The following MYO5B variants were observed in gnomAD, a reference collection of about 807,000 sequenced individuals.
MYO5B encodes unconventional myosin-Vb.
In MYO5B, 143 loss-of-function variants were observed where a neutral mutation model predicts 229.3. The observed-to-expected ratio is 0.62, with a 90% CI of 0.54 to 0.72. The LOEUF is 0.72. Among genes scored for constraint, MYO5B ranks in the 30% least tolerant of loss-of-function variants. MYO5B has a pLI of 0.00. For synonymous variants in MYO5B, 918 were observed against 885.2 expected, an observed-to-expected ratio of 1.04 and a Z score of -0.66; for missense variants, 2,321 against 2,331.0, an observed-to-expected ratio of 1.00 and a Z score of 0.09.
intron 31 of MYO5B, 41 bp from the exon 32 acceptor site, chr18:49,849,701 G>T (rs770071787): frequency 6.7e-7 from 1 of 1,498,916 alleles, no homozygotes. Context: ...ACATCAGCCC[G>T]GCCTGGGATG....
chr18:50,006,890 T>C (rs943369428), intron 4 of MYO5B, among the ~76,000 whole-genome samples: 24 of 152,180 alleles, frequency 1.6e-4, no homozygotes, highest in African/African-American at 5.1e-4. Context: ...CTGAGGAGCA[T>C]AATTTGTCAC....
chr18:50,115,229 C>T (rs1033120396), intron 1 of MYO5B, among the ~76,000 whole-genome samples: 2 of 152,230 alleles, frequency 1.3e-5, no homozygotes, highest in African/African-American at 4.8e-5. Flanking sequence ...TACTCTCCAA[C>T]AGCATCCCAT....
intron 1 of MYO5B, among the ~76,000 whole-genome samples, chr18:50,193,537 T>C (rs2033256627): frequency 6.6e-6 from 1 of 152,260 alleles, no homozygotes; most frequent in South Asian, 2.1e-4. Context: ...CAGCCGCGTG[T>C]GATCGCCAGG....
intron 18 of MYO5B, among the ~76,000 whole-genome samples, chr18:49,908,121 A>G (rs2024919948): frequency 6.6e-6 from 1 of 152,210 alleles, no homozygotes; most frequent in Non-Finnish European, 1.5e-5. Flanking sequence ...TCCAAGCAAC[A>G]ACAGTACCTG....
intron 2 of MYO5B, among the ~76,000 whole-genome samples, chr18:50,042,364 T>G (rs2030045725): frequency 6.6e-6 from 1 of 152,232 alleles, no homozygotes; most frequent in Non-Finnish European, 1.5e-5. Flanking sequence ...TAAAACTGTT[T>G]TAAAGGCTAG....
intron 4 of MYO5B, among the ~76,000 whole-genome samples, chr18:50,003,303 A>G (rs2026067760): frequency 2.0e-5 from 3 of 152,210 alleles, no homozygotes; most frequent in Non-Finnish European, 2.9e-5. Flanking sequence ...CAACTACTTG[A>G]AAATGTATGT....
At chr18:50,153,594 T>A (rs2032633599) in intron 1 of MYO5B, among the ~76,000 whole-genome samples, 1 of 152,088 alleles carries the variant, frequency 6.6e-6, no homozygotes, top group African/African-American at 2.4e-5. Context: ...GGACTACAGG[T>A]GCATGCCACC....
chr18:50,031,514 G>A (rs758666394), intron 4 of MYO5B, among the ~76,000 whole-genome samples: 3 of 152,286 alleles, frequency 2.0e-5, no homozygotes, highest in Middle Eastern at 6.8e-3. Context: ...ATGCACTGGG[G>A]TAAAGCATGG....
chr18:49,856,712 C>T, intron 30 of MYO5B, 101 bp downstream of exon 30: 2 of 964,424 alleles, frequency 2.1e-6, no homozygotes, highest in South Asian at 2.6e-5. Flanking sequence ...GCCAACTGTT[C>T]CCCGTGCTCT....
intron 2 of MYO5B, among the ~76,000 whole-genome samples, chr18:50,049,568 G>C (rs1304961249): frequency 2.0e-5 from 3 of 152,188 alleles, no homozygotes; most frequent in Non-Finnish European, 2.9e-5. Flanking sequence ...GCTTAAACCT[G>C]AGTTTCCCAG....
At chr18:49,856,282 C>A (rs149363281) in intron 30 of MYO5B, among the ~76,000 whole-genome samples, 16 of 152,346 alleles carry the variant, frequency 1.1e-4, no homozygotes, top group African/African-American at 3.6e-4. Flanking sequence ...GGCGCATGCA[C>A]TGCACTTGGC....
At chr18:50,159,810 C>T (rs75193001) in intron 1 of MYO5B, among the ~76,000 whole-genome samples, 1 of 152,184 alleles carries the variant, frequency 6.6e-6, no homozygotes, top group Non-Finnish European at 1.5e-5. Flanking sequence ...CTCCCCAGCA[C>T]CCCCACGCCA....
chr18:50,071,958 A>C (rs1460229292), intron 1 of MYO5B, among the ~76,000 whole-genome samples: 4 of 152,236 alleles, frequency 2.6e-5, no homozygotes, highest in Non-Finnish European at 5.9e-5. Context: ...AATGTGCTGC[A>C]TAACACAGAC....
chr18:50,116,543 A>C (rs548391871), intron 1 of MYO5B, among the ~76,000 whole-genome samples: 2 of 152,250 alleles, frequency 1.3e-5, no homozygotes, highest in East Asian at 3.9e-4. Flanking sequence ...AGAAAAAAAA[A>C]CCTGCTGCAT....
In MYO5B at chr18:49,937,236, G is replaced by T; in HGVS notation, c.1905+9C>A. The stretch of plus-strand genomic sequence containing the variant: ...CACCTCAGCCCATAGCTTTTGGTCC[G>T]GGGCTGACCTGGTGGCCAACGGTTT... On this transcript the variant is annotated intron_variant, in intron 15 of 39. Transcript: ENST00000285039. 1.9e-6 allele frequency: 3 copies of T among 1,613,928 alleles called. No individual in the cohort carries two copies. The highest frequency in any genetic ancestry group is 2.5e-6 in the Non-Finnish European group (3 of 1,179,856).
At chr18:50,109,448 AAG>A (rs1287505778) in intron 1 of MYO5B, among the ~76,000 whole-genome samples, 1 of 149,656 alleles carries the variant, frequency 6.7e-6, no homozygotes, top group African/African-American at 2.5e-5. Context: ...TTTTTGAGAC[AAG>A]AGTCTTGCTC....
intron 1 of MYO5B, among the ~76,000 whole-genome samples, chr18:50,153,453 T>C (rs1461959843): frequency 1.3e-5 from 2 of 152,012 alleles, no homozygotes; most frequent in Non-Finnish European, 2.9e-5. Context: ...GGGAGAAATA[T>C]TTCATTTTCT....
At chr18:49,830,120 T>G (rs1321989807) in intron 39 of MYO5B, among the ~76,000 whole-genome samples, 3 of 146,314 alleles carry the variant, frequency 2.1e-5, no homozygotes, top group Admixed American at 2.0e-4. Context: ...ACAACATATC[T>G]TACATGTAGA....
intron 1 of MYO5B, among the ~76,000 whole-genome samples, chr18:50,093,501 G>A (rs1455196388): frequency 6.6e-6 from 1 of 152,132 alleles, no homozygotes; most frequent in African/African-American, 2.4e-5. Context: ...GTTGTTGGAG[G>A]CGTTTAAACC....
Sources: allele counts gnomAD v4.1 joint callset (sites outside exome capture counted in the v4.1 genomes callset), GRCh38; gene constraint gnomAD v4.1.1; transcripts MANE v1.5; gene names NCBI Gene and HGNC (gene_info 2026-07-23, HGNC 2026-07-21).